ME3: variants seen among roughly 807,000 people sequenced by gnomAD.
ME3 encodes the protein NADP-dependent malic enzyme, mitochondrial.
ME3 carries 48 observed loss-of-function variants against 68.9 expected under a neutral mutation model. The ratio of observed to expected loss-of-function variants is 0.70; its 90% CI spans 0.55 to 0.89. ME3 has a LOEUF of 0.89. Ranked by LOEUF, ME3 falls within the 40% of genes least tolerant of loss-of-function variation. The probability of loss-of-function intolerance (pLI) is 0.00; values close to 1 mark genes in which losing one functional copy is unlikely to be tolerated. For synonymous variants in ME3, 320 were observed against 318.8 expected (o/e 1.00, Z -0.04); for missense variants, 675 against 797.4 (o/e 0.85, Z 1.85).
At position 86,509,069 on chromosome 11, in the gene ME3, A is replaced by G. The variant is rs554088694; in HGVS notation, c.468-202T>C. 3.5e-4 allele frequency among the ~76,000 whole-genome samples: 53 copies of G among 152,318 alleles called. No individual in the cohort carries two copies. The South Asian group carries it at 0.011, about 31-fold the overall frequency. The stretch of plus-strand genomic sequence containing the variant: ...CTTCTCTCCACAGGGCAAGGAGTCC[A>G]TGGGGCCATGGGGTGTGCCCACATG... On this transcript the variant is annotated intron_variant, in intron 4 of 14. Coordinates refer to ENST00000543262, the Ensembl canonical transcript of ME3.
intron 14 of ME3, 108 bp from the exon 15 acceptor site, chr11:86,441,548 T>G: frequency 9.0e-7 from 1 of 1,107,800 alleles, no homozygotes; most frequent in Non-Finnish European, 1.3e-6. Flanking sequence ...GAACCAGACT[T>G]GTTTCTTTCA....
chr11:86,536,931 A>G (rs1955706545), intron 4 of ME3, among the ~76,000 whole-genome samples: 1 of 152,136 alleles, frequency 6.6e-6, no homozygotes, highest in African/African-American at 2.4e-5. Context: ...TGTGACACAT[A>G]TACACCATGG....
chr11:86,570,867 C>T (rs1957751440), intron 2 of ME3, among the ~76,000 whole-genome samples: 1 of 152,242 alleles, frequency 6.6e-6, no homozygotes, highest in East Asian at 1.9e-4. Flanking sequence ...ACACAGCCAG[C>T]ATGGGGGAGT....
intron 2 of ME3, among the ~76,000 whole-genome samples, chr11:86,666,174 C>T (rs1257535018): frequency 6.6e-6 from 1 of 152,210 alleles, no homozygotes; most frequent in African/African-American, 2.4e-5. Context: ...TGTTCTCTTG[C>T]AGCTAAATGT....
chr11:86,438,704 C>T (rs1948910881), downstream of ME3, among the ~76,000 whole-genome samples: 2 of 151,768 alleles, frequency 1.3e-5, no homozygotes, highest in South Asian at 2.1e-4. Context: ...GTTTGCTTTC[C>T]CCCACCCCCA....
At chr11:86,625,026 A>G (rs962601432) in intron 2 of ME3, among the ~76,000 whole-genome samples, 1 of 152,250 alleles carries the variant, frequency 6.6e-6, no homozygotes. Flanking sequence ...AAGTAACAGA[A>G]TACCATTTAG....
chr11:86,571,115 T>G lies in ME3; in HGVS notation c.184-11292A>C, dbSNP rs544706652. Among the ~76,000 whole-genome samples, 131 of 152,382 alleles carry G rather than the reference T, an allele frequency of 8.6e-4. 2 individuals are homozygous for G. In the South Asian group the frequency reaches 0.027, roughly 31 times the overall value. Reference sequence around the variant, plus strand: ...GTTATAAGCAATTTGGCAATTGCACTTCATAGTCCCTTCTTGACTCTTTTC... The same window carrying G: ...GTTATAAGCAATTTGGCAATTGCACGTCATAGTCCCTTCTTGACTCTTTTC... On this transcript the variant is annotated intron_variant, in intron 2 of 14. Transcript: ENST00000543262.
intron 4 of ME3, among the ~76,000 whole-genome samples, chr11:86,511,678 A>G (rs1057249376): frequency 1.3e-5 from 2 of 152,120 alleles, no homozygotes; most frequent in Non-Finnish European, 2.9e-5. Context: ...CAAGATTAGG[A>G]TTATGGAAAG....
At chr11:86,653,368 A>G (rs192902909) in intron 2 of ME3, among the ~76,000 whole-genome samples, 4 of 152,344 alleles carry the variant, frequency 2.6e-5, no homozygotes, top group East Asian at 3.8e-4. Context: ...CAGCAAATGT[A>G]AAAGACAAAA....
chr11:86,552,183 A>T (rs1015211745), intron 4 of ME3, among the ~76,000 whole-genome samples: 3 of 152,172 alleles, frequency 2.0e-5, no homozygotes, highest in Admixed American at 1.3e-4. Context: ...AGCCATGTGA[A>T]TAAGTGTTAT....
intron 2 of ME3, among the ~76,000 whole-genome samples, chr11:86,600,639 C>G (rs1250307003): frequency 6.6e-6 from 1 of 151,850 alleles, no homozygotes; most frequent in Non-Finnish European, 1.5e-5. Flanking sequence ...CCCAAATCAA[C>G]AGAATATACA....
At chr11:86,568,412 G>T (rs376686511) in intron 2 of ME3, among the ~76,000 whole-genome samples, 15 of 152,192 alleles carry the variant, frequency 9.9e-5, no homozygotes, top group Admixed American at 9.8e-4. Flanking sequence ...TGACCATTTC[G>T]ACTGGTCAGT....
chr11:86,565,866 G>T (rs1055269688), intron 2 of ME3, among the ~76,000 whole-genome samples: 1 of 152,176 alleles, frequency 6.6e-6, no homozygotes, highest in Non-Finnish European at 1.5e-5. Flanking sequence ...TCTCTGACCT[G>T]GTCACAATCA....
At chr11:86,534,066 G>GGTGT (rs747610946) in intron 4 of ME3, among the ~76,000 whole-genome samples, 15 of 48,962 alleles carry the variant, frequency 3.1e-4, no homozygotes, top group African/African-American at 8.3e-4. Flanking sequence ...GTAAAAATGA[G>GGTGT]GTGTGTGTGT....
intron 4 of ME3, among the ~76,000 whole-genome samples, chr11:86,530,658 C>T (rs886285854): frequency 2.0e-5 from 3 of 152,102 alleles, no homozygotes; most frequent in African/African-American, 7.2e-5. Flanking sequence ...GAGATATAGA[C>T]CAATGGAACA....
At chr11:86,612,183 T>G (rs1292072185) in intron 2 of ME3, among the ~76,000 whole-genome samples, 1 of 152,192 alleles carries the variant, frequency 6.6e-6, no homozygotes, top group Non-Finnish European at 1.5e-5. Context: ...TGTTCCTGTG[T>G]TAGTTTGCTG....
downstream of ME3, among the ~76,000 whole-genome samples, chr11:86,440,889 A>G (rs12281645): frequency 6.6e-6 from 1 of 152,136 alleles, no homozygotes; most frequent in Non-Finnish European, 1.5e-5. Flanking sequence ...GACTGCCCTC[A>G]GTTTTTATCT....
At chr11:86,596,637 T>A (rs4144865) in intron 2 of ME3, among the ~76,000 whole-genome samples, 26,399 of 152,148 alleles carry the variant, frequency 0.17, 2,647 homozygotes, top group East Asian at 0.39. Context: ...TCATGAGGTG[T>A]TAGGGCTGGA....
chr11:86,638,907 T>G (rs1944505954), intron 2 of ME3, among the ~76,000 whole-genome samples: 1 of 152,184 alleles, frequency 6.6e-6, no homozygotes, highest in Admixed American at 6.5e-5. Context: ...CATCAAAATG[T>G]GAACCACTGT....
Sources: gnomAD v4.1 joint callset for allele counts (sites outside exome capture counted in the v4.1 genomes callset) on GRCh38, gnomAD v4.1.1 for gene constraint, MANE v1.5 for transcripts, NCBI Gene and HGNC (gene_info 2026-07-23, HGNC 2026-07-21) for gene names.